SIK3: variants seen among roughly 807,000 people sequenced by gnomAD.
SIK3 encodes SIK family kinase 3.
Under a neutral mutation model 144.2 loss-of-function variants are expected in SIK3, and 28 were observed. The ratio of observed to expected loss-of-function variants is 0.19; its 90% CI spans 0.14 to 0.27. The LOEUF (loss-of-function observed/expected upper bound fraction) is 0.27, where lower values mean the gene tolerates loss of function less well. Ranked by LOEUF, SIK3 falls within the 10% of genes least tolerant of loss-of-function variation. SIK3 has a pLI of 1.00. For missense variants in SIK3, 1,319 were observed against 1,776.0 expected, an observed-to-expected ratio of 0.74 and a Z score of 4.62; for synonymous variants, 686 against 676.3, an observed-to-expected ratio of 1.01 and a Z score of -0.22.
intron 1 of SIK3, among the ~76,000 whole-genome samples, chr11:117,054,796 T>C (rs1953436032): frequency 6.6e-6 from 1 of 152,112 alleles, no homozygotes. Context: ...AAAATTAAGA[T>C]GTTTAAAATG....
At chr11:116,997,060 G>A (rs1950695060) in intron 1 of SIK3, among the ~76,000 whole-genome samples, 1 of 152,034 alleles carries the variant, frequency 6.6e-6, no homozygotes, top group Admixed American at 6.6e-5. Context: ...CCACCCAAAT[G>A]AAAGCAATTT....
At chr11:117,028,440 TAAC>T (rs1291550341) in intron 1 of SIK3, among the ~76,000 whole-genome samples, 3 of 152,102 alleles carry the variant, frequency 2.0e-5, no homozygotes, top group Admixed American at 6.5e-5. Flanking sequence ...AGGGACAGCT[TAAC>T]AACAACAACA....
rs1388677572 is a variant in SIK3 at position 116,858,335 on chromosome 11, T to A, written c.3130A>T (p.Ile1044Phe). The change falls in exon 21 of 25, where the codon ATT (isoleucine) becomes TTT (phenylalanine). Residue 1044 changes from isoleucine to phenylalanine, a missense_variant. Coordinates refer to ENST00000445177, the MANE Select transcript of SIK3 (RefSeq NM_001366686.3). This position sits in a 1 kb window ranked among gnomAD's most constrained non-coding sequence, Gnocchi z 5.4. ...TGCCGTTGTTGCTGCTGCCTTTTAA[T>A]GAGCTGTGCAAACTCTGTTGGGGGC... is the stretch of plus-strand genomic sequence containing the variant. ...RLPPTEFAQL[I>F]KRQQQQRQQQ... The A allele has an allele frequency of 2.5e-6, 4 of 1,613,424 alleles. No individual in the cohort carries two copies. The South Asian group carries it at 3.3e-5, about 13-fold the overall frequency.
chr11:117,007,637 G>GC (rs1009798117), intron 1 of SIK3, among the ~76,000 whole-genome samples: 12 of 152,114 alleles, frequency 7.9e-5, no homozygotes, highest in Non-Finnish European at 1.3e-4. Context: ...CTTTATAGCT[G>GC]CCCCCTCAGG....
chr11:117,013,968 TTTTC>T (rs1951408220), intron 1 of SIK3, among the ~76,000 whole-genome samples: 1 of 49,162 alleles, frequency 2.0e-5, no homozygotes, highest in South Asian at 6.4e-4. Flanking sequence ...TCTTTTTTTC[TTTTC>T]TTTTTTTTTT....
Position 117,006,425 on chromosome 11 carries a change from G to C in SIK3, c.274-49361C>G, listed in dbSNP as rs563896337. Among the ~76,000 whole-genome samples, 88 of 151,960 alleles carry C rather than the reference G, an allele frequency of 5.8e-4. 1 individual carries two copies. Among genetic ancestry groups the C allele is most frequent in the African/African-American group, 2.1e-3 (86 of 41,242 alleles). ...GTCTCTCCAAAATACTCCACTTGGA[G>C]ACTACTCAAAACAAAGGATCCTTCT... is the stretch of plus-strand genomic sequence containing the variant. On this transcript the variant is annotated intron_variant, in intron 1 of 24. Transcript: ENST00000445177.
intron 6 of SIK3, among the ~76,000 whole-genome samples, chr11:116,879,852 G>T (rs1164569441): frequency 6.6e-6 from 1 of 152,200 alleles, no homozygotes; most frequent in African/African-American, 2.4e-5. Context: ...TAAGGCTAGA[G>T]CCACAACTGT....
At chr11:117,017,822 T>C (rs746228918) in intron 1 of SIK3, among the ~76,000 whole-genome samples, 73 of 152,318 alleles carry the variant, frequency 4.8e-4, no homozygotes, top group South Asian at 1.0e-3. Context: ...CCTGTCTAGA[T>C]AGCTTATCAT....
intron 14 of SIK3, chr11:116,869,977 A>G (rs1943877027): frequency 3.2e-6 from 2 of 628,322 alleles, no homozygotes; most frequent in East Asian, 6.2e-5. Flanking sequence ...CACATCTCCA[A>G]TTCCTTTTCA....
chr11:116,954,906 A>G lies in SIK3; in HGVS notation c.391-799T>C, dbSNP rs549032332. 7.2e-5 allele frequency among the ~76,000 whole-genome samples: 11 copies of G among 152,360 alleles called. No individual in the cohort carries two copies. In the East Asian group the frequency reaches 2.1e-3, roughly 29 times the overall value. Reference sequence around the variant, plus strand: ...TCTTTCTACAACAGTGCTGTCCAATAGAAATATAATATGAACTGCATATAT... The same window carrying G: ...TCTTTCTACAACAGTGCTGTCCAATGGAAATATAATATGAACTGCATATAT... On this transcript the variant is annotated intron_variant, in intron 2 of 24. Transcript: ENST00000445177.
chr11:117,016,032 TAAAG>T (rs1355215934), intron 1 of SIK3: 2 of 151,834 alleles, frequency 1.3e-5, no homozygotes, highest in Non-Finnish European at 2.9e-5. Context: ...AAACTGAAGA[TAAAG>T]AAATCCTGGC....
rs1242886936 is a variant in SIK3 at position 116,858,460 on chromosome 11, G to A, written c.3005C>T (p.Pro1002Leu). The change falls in exon 21 of 25, where the codon CCC becomes CTC. Residue 1002 changes from proline (P) to leucine (L), a missense_variant. Around this residue, in one of 8 missense-constraint regions of SIK3, gnomAD observed 646 missense variants for 763.7 expected, o/e 0.85. Coordinates refer to ENST00000445177, the MANE Select transcript of SIK3 (RefSeq NM_001366686.3). This position sits in a 1 kb window ranked among gnomAD's most constrained non-coding sequence, Gnocchi z 5.4. ...GTGTCTTGTATAGTCTGGCGGCGTG[G>A]GAGACAGCAGGGCCTGCTGTAGTGC... Reference protein sequence around the residue: ...TSALQQALLSPTPPDYTRHQQ... With the variant: ...TSALQQALLSLTPPDYTRHQQ... The A allele has an allele frequency of 4.4e-6, 7 of 1,604,646 alleles. No individual in the cohort carries two copies. The highest frequency in any genetic ancestry group is 6.0e-6 in the Non-Finnish European group (7 of 1,173,846).
chr11:116,914,076 T>C (rs565067333), intron 4 of SIK3, among the ~76,000 whole-genome samples: 1 of 151,886 alleles, frequency 6.6e-6, no homozygotes, highest in Admixed American at 6.6e-5. Flanking sequence ...CAAAATACTA[T>C]CTTAGATTAA....
intron 1 of SIK3, among the ~76,000 whole-genome samples, chr11:117,079,095 A>G (rs1032026090): frequency 6.6e-6 from 1 of 152,200 alleles, no homozygotes; most frequent in African/African-American, 2.4e-5. Context: ...AGTTAAATGA[A>G]TGTTTCCAAA....
In SIK3 at chr11:117,085,174, C is replaced by T. The variant is rs375069503; in HGVS notation, c.273+12969G>A. Among the ~76,000 whole-genome samples the T allele has an allele frequency of 3.3e-5, 5 of 151,942 alleles. 1 individual carries two copies. The highest frequency in any genetic ancestry group is 1.2e-4 in the African/African-American group (5 of 41,358). ...TCACACAGGCTGGAATGCAGTGGCG[C>T]AACCATAGTTTACTGCACTGTAATC... On this transcript the variant is annotated intron_variant, in intron 1 of 24. Coordinates refer to ENST00000445177, the MANE Select transcript of SIK3 (RefSeq NM_001366686.3).
intron 6 of SIK3, among the ~76,000 whole-genome samples, chr11:116,894,523 A>G (rs565418805): frequency 6.6e-5 from 10 of 152,310 alleles, no homozygotes; most frequent in African/African-American, 2.4e-4. Context: ...GAAACTCTGG[A>G]GTCTTTCTTT....
rs1237688760 is a variant in SIK3 at position 116,959,316 on chromosome 11, CAAAAG to C, written c.274-2257_274-2253del. On this transcript the variant is annotated intron_variant, in intron 1 of 24. Transcript: ENST00000445177. Reference sequence around the variant, plus strand: ...CCAGCAACAGAATGAGACCCTGTCTCAAAAGAAAAAAAAAGAACTTCCAAACAAGT... The same window carrying C: ...CCAGCAACAGAATGAGACCCTGTCTCAAAAAAAAAGAACTTCCAAACAAGT... Among the ~76,000 whole-genome samples, 4 of 150,586 alleles carry C rather than the reference CAAAAG, an allele frequency of 2.7e-5. No individual in the cohort carries two copies. The East Asian group carries it at 7.7e-4, about 29-fold the overall frequency.
At chr11:117,080,027 C>G (rs1363206979) in intron 1 of SIK3, among the ~76,000 whole-genome samples, 1 of 151,824 alleles carries the variant, frequency 6.6e-6, no homozygotes, top group Admixed American at 6.6e-5. Context: ...GAGTGAGACT[C>G]CAACTCAATT....
intron 4 of SIK3, among the ~76,000 whole-genome samples, chr11:116,911,415 G>A (rs966470324): frequency 1.3e-5 from 2 of 152,122 alleles, no homozygotes; most frequent in South Asian, 4.1e-4. Context: ...GCTGAGACAG[G>A]AGAACTGCTT....
Sources: allele counts gnomAD v4.1 joint callset (sites outside exome capture counted in the v4.1 genomes callset), GRCh38; gene constraint gnomAD v4.1.1; regional missense constraint gnomAD v4.1.1; non-coding constraint Gnocchi (gnomAD v3.1); transcripts MANE v1.5; gene names NCBI Gene and HGNC (gene_info 2026-07-23, HGNC 2026-07-21).